The following TCTN2 variants were observed in gnomAD, a reference collection of about 807,000 sequenced individuals.
TCTN2 encodes tectonic-2.
A neutral mutation model predicts 83.4 loss-of-function variants in TCTN2; 66 were observed. The ratio of observed to expected loss-of-function variants is 0.79; its 90% CI spans 0.65 to 0.97. The LOEUF (loss-of-function observed/expected upper bound fraction) is 0.97. TCTN2 is among the 50% of genes least tolerant of loss of function. The pLI is 0.00. For missense variants in TCTN2, 794 were observed against 858.1 expected, an observed-to-expected ratio of 0.93 and a Z score of 0.93; for synonymous variants, 301 against 326.7, an observed-to-expected ratio of 0.92 and a Z score of 0.85.
Position 123,706,758 on chromosome 12 carries a change from G to A in TCTN2, c.1802G>A (p.Gly601Glu). 6.2e-7 allele frequency: 1 copy of A among 1,613,986 alleles called. No individual in the cohort carries two copies. Among genetic ancestry groups the A allele is most frequent in the Non-Finnish European group, 8.5e-7 (1 of 1,179,996 alleles). ...FSSVNWQYQC[G>E]LTCEHKADLL... ...TCAGTGAACTGGCAGTACCAGTGTG[G>A]GCTTACCTGTGAGCACAAGGCCGAC... Residue 601 changes from glycine to glutamate, a missense_variant, in exon 16 of 18, where the codon GGG becomes GAG. By Grantham distance (98) the Gly-to-Glu change is moderately conservative. Transcript: ENST00000303372.
chr12:123,679,929 C>T (rs1421817501), intron 5 of TCTN2, among the ~76,000 whole-genome samples: 4 of 150,854 alleles, frequency 2.7e-5, no homozygotes, highest in East Asian at 4.0e-4. Flanking sequence ...TTAGTAGAGA[C>T]GGGGTTTCAC....
intron 14 of TCTN2, chr12:123,700,080 C>CAGCTCATT: frequency 1.9e-6 from 1 of 523,178 alleles, no homozygotes; most frequent in Non-Finnish European, 3.5e-6. Context: ...GGTGCAATCA[C>CAGCTCATT]AGCTCATTGC....
At chr12:123,671,846 C>T (rs539398539) in intron 2 of TCTN2, among the ~76,000 whole-genome samples, 8 of 152,338 alleles carry the variant, frequency 5.3e-5, no homozygotes, top group Non-Finnish European at 1.0e-4. Context: ...TGCATCATCC[C>T]ATTTTCCTAG....
intron 4 of TCTN2, among the ~76,000 whole-genome samples, chr12:123,677,980 T>C (rs73418120): frequency 0.011 from 1,625 of 152,296 alleles, 29 homozygotes; most frequent in African/African-American, 0.036. Flanking sequence ...TCTCTCTCTC[T>C]GCAAGTCTTC....
intron 14 of TCTN2, among the ~76,000 whole-genome samples, chr12:123,703,557 G>A (rs1284089109): frequency 3.3e-5 from 5 of 152,174 alleles, no homozygotes; most frequent in East Asian, 1.9e-4. Context: ...ATGCCATCAC[G>A]GCTTACTGCA....
At chr12:123,691,983 CT>C (rs1956048521) in intron 8 of TCTN2, among the ~76,000 whole-genome samples, 1 of 152,136 alleles carries the variant, frequency 6.6e-6, no homozygotes, top group African/African-American at 2.4e-5. Flanking sequence ...CAACCTCCAC[CT>C]CCTGGGTTCA....
rs1432243570 is a variant in TCTN2, at chr12:123,680,169, A to G, written c.564+880A>G. On this transcript the variant is annotated intron_variant, in intron 5 of 17. Transcript: ENST00000303372. The stretch of plus-strand genomic sequence containing the variant: ...GGAGTTTGAGACCAGCCTGACCAAC[A>G]TGGAGAAACCCCATCTCTACTAAAA... Among the ~76,000 whole-genome samples, 10 of 152,008 alleles carry G rather than the reference A, an allele frequency of 6.6e-5. No homozygotes were observed. The East Asian group carries it at 2.0e-3, about 30-fold the overall frequency.
chr12:123,695,587 T>G (rs1956097962), intron 11 of TCTN2: 1 of 51,622 alleles, frequency 1.9e-5, no homozygotes, highest in Non-Finnish European at 3.9e-5. Context: ...ATGCCTGGCT[T>G]TTTTTTTTTT....
At position 123,708,072 on chromosome 12, in the gene TCTN2, A is replaced by G. The variant is rs1300557043; in HGVS notation, c.*359A>G. 3.8e-5 allele frequency: 10 copies of G among 262,790 alleles called. No individual in the cohort carries two copies. The highest frequency in any genetic ancestry group is 3.2e-4 in the South Asian group (8 of 25,114). The allele number at this position is 262,790 out of a possible 1,614,324, so 16.3% of individuals were successfully genotyped here. ...CACCCAGGCTGGAGTGCAGTGCACAATCTCGGCTCACTGCAATCTCTGCCT... is the reference window on the plus strand; with the variant it reads ...CACCCAGGCTGGAGTGCAGTGCACAGTCTCGGCTCACTGCAATCTCTGCCT... On this transcript the variant is annotated 3_prime_UTR_variant, in exon 18 of 18. Transcript: ENST00000303372.
At chr12:123,675,420 G>A (rs1955808985) in intron 4 of TCTN2, among the ~76,000 whole-genome samples, 1 of 152,170 alleles carries the variant, frequency 6.6e-6, no homozygotes, top group South Asian at 2.1e-4. Flanking sequence ...TGGCATGGAG[G>A]GAGAAGCGTT....
chr12:123,673,399 A>C (rs1955779827), intron 3 of TCTN2, among the ~76,000 whole-genome samples: 1 of 152,176 alleles, frequency 6.6e-6, no homozygotes, highest in African/African-American at 2.4e-5. Context: ...AGTATCCCGA[A>C]GTTGTTTGCT....
chr12:123,674,718 T>C (rs986167687), intron 4 of TCTN2, among the ~76,000 whole-genome samples: 1 of 152,134 alleles, frequency 6.6e-6, no homozygotes, highest in Non-Finnish European at 1.5e-5. Flanking sequence ...ACACAGCAGA[T>C]ACTGTCTCTA....
At chr12:123,705,846 A>T (rs11837256) in intron 15 of TCTN2, among the ~76,000 whole-genome samples, 52,814 of 148,208 alleles carry the variant, frequency 0.36, 9,971 homozygotes, top group African/African-American at 0.41. Flanking sequence ...AACCTCCACC[A>T]ACCGGGTTCA....
At position 123,699,830 on chromosome 12, in the gene TCTN2, A is replaced by G. The variant is rs1427845317; in HGVS notation, c.1612+20A>G. 8 of 1,594,748 alleles carry G rather than the reference A, an allele frequency of 5.0e-6. No homozygotes were observed. Among genetic ancestry groups the G allele is most frequent in the Admixed American group, 5.0e-5 (3 of 59,960 alleles). On this transcript the variant is annotated intron_variant, in intron 14 of 17. Coordinates refer to ENST00000303372, the MANE Select transcript of TCTN2 (RefSeq NM_024809.5). ...TAATACGTAAGTCAAACCCGGGTAC[A>G]ATAAAGCCTGTAACTTGGTTGCTGT...
intron 10 of TCTN2, 34 bp from the exon 11 acceptor site, chr12:123,695,186 G>A (rs1350400094): frequency 6.9e-7 from 1 of 1,455,122 alleles, no homozygotes; most frequent in South Asian, 1.1e-5. Flanking sequence ...TAGTGAAATG[G>A]TGCACATTAT....
intron 8 of TCTN2, among the ~76,000 whole-genome samples, chr12:123,691,607 C>T (rs1358248816): frequency 6.6e-6 from 1 of 152,180 alleles, no homozygotes; most frequent in African/African-American, 2.4e-5. Flanking sequence ...CTGCCATGAA[C>T]ACTCGTGTCC....
At chr12:123,682,639 G>A (rs569570750) in intron 5 of TCTN2, among the ~76,000 whole-genome samples, 160 of 151,900 alleles carry the variant, frequency 1.1e-3, no homozygotes, top group African/African-American at 3.2e-3. Context: ...GTGCCACCAC[G>A]CCTGGCTAAT....
chr12:123,699,276 T>TC (rs1231788696), intron 13 of TCTN2, among the ~76,000 whole-genome samples: 18 of 151,770 alleles, frequency 1.2e-4, no homozygotes, highest in African/African-American at 4.4e-4. Context: ...CACCTCAGCC[T>TC]CCCAAGTAGT....
intron 14 of TCTN2, among the ~76,000 whole-genome samples, chr12:123,703,254 C>T (rs1956193042): frequency 6.6e-6 from 1 of 150,798 alleles, no homozygotes; most frequent in South Asian, 2.1e-4. Context: ...GATCTCGGCT[C>T]ACTGCAACCT....
Sources: gnomAD v4.1 joint callset for allele counts (sites outside exome capture counted in the v4.1 genomes callset) on GRCh38, gnomAD v4.1.1 for gene constraint, MANE v1.5 for transcripts, NCBI Gene and HGNC (gene_info 2026-07-23, HGNC 2026-07-21) for gene names.